Variants in HR observed in about 807,000 individuals in gnomAD.
HR encodes the protein lysine-specific demethylase hairless.
Under a neutral mutation model 128.6 loss-of-function variants are expected in HR, and 83 were observed. That is an observed-to-expected ratio of 0.65 (90% CI 0.54 to 0.77). The LOEUF is 0.77. HR is among the 30% of genes least tolerant of loss of function. The pLI is 0.00. For synonymous variants in HR, 681 were observed against 658.2 expected (o/e 1.03, Z -0.53); for missense variants, 1,490 against 1,574.6 (o/e 0.95, Z 0.91).
intron 1 of HR, among the ~76,000 whole-genome samples, chr8:22,130,081 C>T (rs1411169044): frequency 6.6e-6 from 1 of 152,172 alleles, no homozygotes; most frequent in Non-Finnish European, 1.5e-5. Context: ...GCGGGGAAAG[C>T]GGGCTGGGCC....
In HR at chr8:22,125,380, C is replaced by A; in HGVS notation, c.1681G>T (p.Gly561Cys). ...STGLAKHLLS[G>C]LGDRLCRLLR... ...AGGCGGCACAGTCGGTCCCCCAAAC[C>A]ACTGAGCAGGTGCTTGGCGAGGCCT... is the stretch of plus-strand genomic sequence containing the variant. Residue 561 changes from glycine to cysteine, a missense_variant, in exon 5 of 19, where the codon GGT (glycine) becomes TGT (cysteine). Around this residue, in one of 3 missense-constraint regions of HR, gnomAD observed 1,060 missense variants for 1,060.9 expected, o/e 1.00. Transcript: ENST00000381418. 6.2e-7 allele frequency: 1 copy of A among 1,610,006 alleles called. No individual in the cohort carries two copies. Among genetic ancestry groups the A allele is most frequent in the East Asian group, 2.2e-5 (1 of 44,796 alleles).
intron 16 of HR, chr8:22,117,284 G>A (rs529413118): frequency 2.7e-5 from 13 of 484,588 alleles, no homozygotes; most frequent in African/African-American, 2.4e-4. Context: ...TGGGCAGACT[G>A]AATCCCTGCT....
chr8:22,114,523 A>T lies in HR; in HGVS notation c.*1177T>A, dbSNP rs546581688. On this transcript the variant is annotated 3_prime_UTR_variant, in exon 19 of 19. Transcript: ENST00000381418. ...GGGAGTGTTTTTCTTTGTAGGGCTGAGATACACAAAGGAAGCGGGAGAGGG... is the reference window on the plus strand; with the variant it reads ...GGGAGTGTTTTTCTTTGTAGGGCTGTGATACACAAAGGAAGCGGGAGAGGG... 2 of 152,876 alleles carry T rather than the reference A, an allele frequency of 1.3e-5. No homozygotes were observed. Among genetic ancestry groups the T allele is most frequent in the South Asian group, 4.1e-4 (2 of 4,832 alleles). 9.5% of individuals were successfully genotyped at this position (152,876 alleles called of 1,614,324 possible). A position where few individuals can be genotyped will look rare whatever the true frequency, so the allele number is the denominator to read the frequency against.
intron 6 of HR, 32 bp downstream of exon 6, chr8:22,123,617 T>TGTCCACCC: frequency 3.4e-6 from 1 of 292,092 alleles, no homozygotes; most frequent in Non-Finnish European, 6.2e-6. Context: ...GAGGGCTCCA[T>TGTCCACCC]CCCGCCCTCC....
chr8:22,128,048 C>T (rs1240671599), intron 2 of HR: 2 of 632,186 alleles, frequency 3.2e-6, no homozygotes, highest in African/African-American at 3.6e-5. Context: ...ACAAGGAAGT[C>T]TAAGAACTAA....
Position 22,128,755 on chromosome 8 carries a change from C to T in HR, c.416G>A (p.Arg139Gln), listed in dbSNP as rs768779100. The change falls in exon 2 of 19, where the codon CGG becomes CAG. Residue 139 changes from arginine (R) to glutamine (Q), a missense_variant. Physicochemically the swap from Arg to Gln is conservative, Grantham distance 43. Coordinates refer to ENST00000381418, the MANE Select transcript of HR (RefSeq NM_005144.5). ...GHLKSDPVAF[R>Q]PWHCPFLLET... is the part of the protein sequence containing the mutation. ...CAGAAGGAAAGGGCAGTGCCAGGGCCGGAAGGCCACAGGGTCACTCTTGAG... is the reference window on the plus strand; with the variant it reads ...CAGAAGGAAAGGGCAGTGCCAGGGCTGGAAGGCCACAGGGTCACTCTTGAG... 2.6e-5 allele frequency: 41 copies of T among 1,601,796 alleles called. No homozygotes were observed. Among genetic ancestry groups the T allele is most frequent in the African/African-American group, 5.3e-5 (4 of 74,852 alleles).
intron 14 of HR, among the ~76,000 whole-genome samples, chr8:22,119,555 C>A (rs1455656419): frequency 1.3e-5 from 2 of 151,142 alleles, no homozygotes; most frequent in African/African-American, 4.9e-5. Context: ...TGCGGTGAGC[C>A]GAGATAGTGC....
At position 22,127,272 on chromosome 8, in the gene HR, C is replaced by A; in HGVS notation, c.1170G>T (p.Gln390His). ...CAGGGCAGCCGCGTGGACATTCAAACTGCTCCGAGTGCCGTGTGAGCCATG... is the reference window on the plus strand; with the variant it reads ...CAGGGCAGCCGCGTGGACATTCAAAATGCTCCGAGTGCCGTGTGAGCCATG... ...KKTWLTRHSE[Q>H]FECPRGCPEV... Residue 390 changes from glutamine to histidine, a missense_variant, in exon 3 of 19, where the codon CAG (glutamine) becomes CAT (histidine). Coordinates refer to ENST00000381418, the MANE Select transcript of HR (RefSeq NM_005144.5). 6.2e-7 allele frequency: 1 copy of A among 1,613,212 alleles called. No individual in the cohort carries two copies. Among genetic ancestry groups the A allele is most frequent in the Non-Finnish European group, 8.5e-7 (1 of 1,180,012 alleles).
In HR at chr8:22,118,588, G is replaced by A. The variant is rs1050499269; in HGVS notation, c.3213+362C>T. On this transcript the variant is annotated intron_variant, in intron 16 of 18. Coordinates refer to ENST00000381418, the MANE Select transcript of HR (RefSeq NM_005144.5). ...ATCCCAGCCCTGCCACTGAGCTTCG[G>A]TGTTCTCATCTGCCAATGGGAAAGG... 9.5e-6 allele frequency: 3 copies of A among 317,080 alleles called. No homozygotes were observed. The East Asian group carries it at 2.2e-4, about 23-fold the overall frequency. The allele number at this position is 317,080 out of a possible 1,614,324, so 19.6% of individuals were successfully genotyped here. A position where few individuals can be genotyped will look rare whatever the true frequency, so the allele number is the denominator to read the frequency against.
chr8:22,127,328 G>C lies in HR; in HGVS notation c.1114C>G (p.Pro372Ala). The C allele has an allele frequency of 1.9e-6, 3 of 1,613,362 alleles. No individual in the cohort carries two copies. The African/African-American group carries it at 4.0e-5, about 22-fold the overall frequency. ...TTCAGCTTGGTGTGGTGGCTGGGGG[G>C]ACAGGCCCTGGGGCCAGAGGCCTTG... Reference protein sequence around the residue: ...VNKASGPRACPPSHHTKLKKT... With the variant: ...VNKASGPRACAPSHHTKLKKT... The change falls in exon 3 of 19, where the codon CCC (proline) becomes GCC (alanine). Residue 372 changes from proline (P) to alanine (A), a missense_variant. Physicochemically the swap from Pro to Ala is conservative, Grantham distance 27 (BLOSUM62 -1). Transcript: ENST00000381418.
intron 14 of HR, 120 bp downstream of exon 14, chr8:22,119,640 G>T (rs1826683382): frequency 3.7e-5 from 42 of 1,141,394 alleles, no homozygotes; most frequent in Non-Finnish European, 4.5e-5. Flanking sequence ...AAGAAAGAAA[G>T]AAATGGAATC....
In HR at chr8:22,121,473, C is replaced by G. The variant is rs568151252; in HGVS notation, c.2203+140G>C. ...CAAAGAAGGTGTTTGGAGGCATGTC[C>G]TGAGGGGAGTAGTGGAGATTATTGG... On this transcript the variant is annotated intron_variant, in intron 9 of 18. Transcript: ENST00000381418. 8 of 980,628 alleles carry G rather than the reference C, an allele frequency of 8.2e-6. No homozygotes were observed. The South Asian group carries it at 1.1e-4, about 13-fold the overall frequency. The allele number at this position is 980,628 out of a possible 1,614,324, so 60.7% of individuals were successfully genotyped here. A position where few individuals can be genotyped will look rare whatever the true frequency, so the allele number is the denominator to read the frequency against.
chr8:22,118,562 G>C (rs991035865), intron 16 of HR: 4 of 283,044 alleles, frequency 1.4e-5, no homozygotes, highest in Non-Finnish European at 2.8e-5. Flanking sequence ...CAGAAGCTCA[G>C]ATCCCAGCCC....
intron 8 of HR, 86 bp from the exon 9 acceptor site, chr8:22,121,780 A>G: frequency 7.6e-7 from 1 of 1,307,596 alleles, no homozygotes; most frequent in Non-Finnish European, 1.1e-6. Flanking sequence ...AAGAATGAAC[A>G]ATGGACTCTT....
intron 6 of HR, among the ~76,000 whole-genome samples, chr8:22,123,312 G>A (rs917843649): frequency 3.3e-5 from 5 of 152,174 alleles, no homozygotes; most frequent in Non-Finnish European, 7.3e-5. Context: ...TGGACGAGTC[G>A]CTTATCCTCT....
At chr8:22,128,293 A>G (rs1481621855) in intron 2 of HR, 1 of 579,734 alleles carries the variant, frequency 1.7e-6, no homozygotes, top group East Asian at 3.0e-5. Flanking sequence ...TTCCAAGGCC[A>G]CAGTTCCCAG....
chr8:22,124,947 G>A (rs554722933), intron 5 of HR, among the ~76,000 whole-genome samples: 13 of 152,278 alleles, frequency 8.5e-5, no homozygotes, highest in South Asian at 6.2e-4. Flanking sequence ...TGGTCATGAG[G>A]AACTCTCTGT....
rs886062807 is a variant in HR at position 22,121,220 on chromosome 8, C to T, written c.2212G>A (p.Asp738Asn). Reference protein sequence around the residue: ...RTKSIKEETPDSAETPAEDRA... With the variant: ...RTKSIKEETPNSAETPAEDRA... ...TCCTCTGCTGGGGTCTCAGCGGAAT[C>T]GGGGGTCTCTGTCAGGGAGGAAGAT... The change falls in exon 10 of 19, where the codon GAT becomes AAT. Residue 738 changes from aspartate (D) to asparagine (N), a missense_variant. Physicochemically the swap from Asp to Asn is conservative, Grantham distance 23 (BLOSUM62 1). Coordinates refer to ENST00000381418, the MANE Select transcript of HR (RefSeq NM_005144.5). 1.1e-5 allele frequency: 18 copies of T among 1,613,620 alleles called. No homozygotes were observed. Among genetic ancestry groups the T allele is most frequent in the South Asian group, 2.2e-5 (2 of 91,090 alleles).
intron 6 of HR, among the ~76,000 whole-genome samples, 180 bp from the exon 7 acceptor site, chr8:22,123,059 A>G (rs73549513): frequency 5.9e-5 from 9 of 152,206 alleles, no homozygotes; most frequent in Non-Finnish European, 1.0e-4. Context: ...AATGCTACAG[A>G]CTTTAACGTG....
Sources: allele counts gnomAD v4.1 joint callset (sites outside exome capture counted in the v4.1 genomes callset), GRCh38; gene constraint gnomAD v4.1.1; regional missense constraint gnomAD v4.1.1; transcripts MANE v1.5; gene names NCBI Gene and HGNC (gene_info 2026-07-23, HGNC 2026-07-21).